Variants in TMEFF1 observed in about 807,000 individuals in gnomAD.
TMEFF1 encodes transmembrane protein with EGF like and two follistatin like domains 1.
A neutral mutation model predicts 47.5 loss-of-function variants in TMEFF1; 20 were observed. The observed-to-expected ratio is 0.42, with a 90% CI of 0.30 to 0.61. The LOEUF (loss-of-function observed/expected upper bound fraction) is 0.61. Ranked by LOEUF, TMEFF1 falls within the 20% of genes least tolerant of loss-of-function variation. The pLI, the probability that TMEFF1 is intolerant of heterozygous loss-of-function variation, is 0.19. For synonymous variants in TMEFF1, 162 were observed against 166.3 expected (o/e 0.97, Z 0.20); for missense variants, 411 against 471.1 (o/e 0.87, Z 1.18).
intron 1 of TMEFF1, among the ~76,000 whole-genome samples, chr9:100,482,568 T>C (rs1353989577): frequency 6.6e-6 from 1 of 152,192 alleles, no homozygotes; most frequent in African/African-American, 2.4e-5. Flanking sequence ...AATCAGTCAG[T>C]GCTGTCTAGT....
chr9:100,479,944 A>G (rs1837308819), intron 1 of TMEFF1, among the ~76,000 whole-genome samples: 1 of 152,224 alleles, frequency 6.6e-6, no homozygotes, highest in African/African-American at 2.4e-5. Flanking sequence ...GAATTACCAA[A>G]CGGTTTTCCA....
intron 5 of TMEFF1, 72 bp from the exon 6 acceptor site, chr9:100,547,672 T>C (rs1410864208): frequency 1.5e-6 from 2 of 1,361,934 alleles, no homozygotes; most frequent in Admixed American, 2.8e-5. Flanking sequence ...AAAGAATTGG[T>C]CTTTTTTGCT....
At chr9:100,545,151 G>A (rs893620582) in intron 5 of TMEFF1, among the ~76,000 whole-genome samples, 3 of 152,178 alleles carry the variant, frequency 2.0e-5, no homozygotes, top group African/African-American at 4.8e-5. Flanking sequence ...TCCACTAGGC[G>A]ACGCCTCAGT....
At chr9:100,540,735 GT>G (rs1745834020) in intron 5 of TMEFF1, among the ~76,000 whole-genome samples, 2 of 152,330 alleles carry the variant, frequency 1.3e-5, no homozygotes, top group Middle Eastern at 6.8e-3. Flanking sequence ...CAGTACTTGG[GT>G]TTTGTCCTTG....
chr9:100,510,008 A>T (rs1162686256), intron 3 of TMEFF1, among the ~76,000 whole-genome samples: 1 of 152,098 alleles, frequency 6.6e-6, no homozygotes, highest in Non-Finnish European at 1.5e-5. Context: ...AACTTGAATT[A>T]TTATATCAAG....
chr9:100,520,783 G>C (rs1838148193), intron 5 of TMEFF1, among the ~76,000 whole-genome samples: 1 of 152,192 alleles, frequency 6.6e-6, no homozygotes, highest in Non-Finnish European at 1.5e-5. Context: ...AGGTGAAGGT[G>C]AGTTCAGAAA....
rs998845496 is a variant in TMEFF1 at position 100,489,220 on chromosome 9, T to C, written c.197-9545T>C. Among the ~76,000 whole-genome samples the C allele has an allele frequency of 3.9e-5, 6 of 152,228 alleles. No individual in the cohort carries two copies. In the East Asian group the frequency reaches 7.7e-4, roughly 20 times the overall value. ...TAACATAATATTTTCTTTTCCTTTT[T>C]CTTTTTTTTGGAGATAAGATCTCTG... On this transcript the variant is annotated intron_variant, in intron 1 of 9. Coordinates refer to ENST00000374879, the MANE Select transcript of TMEFF1 (RefSeq NM_003692.5).
chr9:100,544,102 A>ATG lies in TMEFF1; in HGVS notation c.561-3641_561-3640insGT, dbSNP rs1463845567. ...CCTTCATGCTGATATATATATATAT[A>ATG]TATAACTTTTTTAGGGTCTCCAGAC... On this transcript the variant is annotated intron_variant, in intron 5 of 9. Transcript: ENST00000374879. 1.1e-4 allele frequency among the ~76,000 whole-genome samples: 16 copies of ATG among 151,712 alleles called. No homozygotes were observed. In the East Asian group the frequency reaches 2.7e-3, roughly 26 times the overall value.
chr9:100,528,335 A>G (rs1204373131), intron 5 of TMEFF1, among the ~76,000 whole-genome samples: 1 of 149,452 alleles, frequency 6.7e-6, no homozygotes, highest in East Asian at 2.0e-4. Context: ...ACAAGTTGAA[A>G]ACTTTGAAAA....
chr9:100,550,105 C>A lies in TMEFF1; in HGVS notation c.720C>A (p.Asp240Glu), dbSNP rs372030454. 6.2e-7 allele frequency: 1 copy of A among 1,610,826 alleles called. No homozygotes were observed. The highest frequency in any genetic ancestry group is 8.5e-7 in the Non-Finnish European group (1 of 1,178,800). Residue 240 changes from aspartate (D) to glutamate (E), a missense_variant, in exon 7 of 10, where the codon GAC becomes GAA. Transcript: ENST00000374879. ...CGTCTTCTCTTACAGATACAGATGA[C>A]ACTAGTTTGTTGGGAAAGAAAGATG... ...RHLGHCTDTD[D>E]TSLLGKKDDG...
chr9:100,509,778 A>G (rs1837929482), intron 3 of TMEFF1, among the ~76,000 whole-genome samples: 1 of 151,160 alleles, frequency 6.6e-6, no homozygotes, highest in African/African-American at 2.4e-5. Flanking sequence ...CATCTCAGAA[A>G]AAAAAAAAAA....
rs562371773 is a variant in TMEFF1, at chr9:100,525,012, GA to G, written c.560+8244del. 9.2e-5 allele frequency among the ~76,000 whole-genome samples: 14 copies of G among 152,274 alleles called. No individual in the cohort carries two copies. The South Asian group carries it at 2.9e-3, about 32-fold the overall frequency. On this transcript the variant is annotated intron_variant, in intron 5 of 9. Coordinates refer to ENST00000374879, the MANE Select transcript of TMEFF1 (RefSeq NM_003692.5). ...TACCTGGGCAGTCTATCTTCTGACTGAAAGTTGGGTACGGTAGCACTAGGCA... is the reference window on the plus strand; with the variant it reads ...TACCTGGGCAGTCTATCTTCTGACTGAAGTTGGGTACGGTAGCACTAGGCA...
rs551175953 is a variant in TMEFF1 at position 100,568,393 on chromosome 9, G to A, written c.900-4125G>A. 1.6e-4 allele frequency among the ~76,000 whole-genome samples: 24 copies of A among 152,246 alleles called. No individual in the cohort carries two copies. In the South Asian group the frequency reaches 4.8e-3, roughly 30 times the overall value. On this transcript the variant is annotated intron_variant, in intron 8 of 9. Transcript: ENST00000374879. ...TCCCATGAGACTTCATTATATCATTGAATTTACTGCAGCTGTGTTGTTGAG... is the reference window on the plus strand; with the variant it reads ...TCCCATGAGACTTCATTATATCATTAAATTTACTGCAGCTGTGTTGTTGAG...
intron 7 of TMEFF1, among the ~76,000 whole-genome samples, chr9:100,551,326 TG>T (rs1192887953): frequency 1.3e-5 from 2 of 152,266 alleles, no homozygotes; most frequent in Non-Finnish European, 2.9e-5. Flanking sequence ...TTGAGTAATT[TG>T]TTACTTCTCT....
rs1564031645 is a variant in TMEFF1, at chr9:100,576,498, CT to C, written c.1059-11del. 3.7e-6 allele frequency: 6 copies of C among 1,602,044 alleles called. No individual in the cohort carries two copies. The highest frequency in any genetic ancestry group is 5.1e-6 in the Non-Finnish European group (6 of 1,176,654). ...ATCAAAACAATATTTTTCTCTCTTT[CT>C]TTTTTTAATGCAACAGAAAATGCCC... On this transcript the variant is annotated splice_polypyrimidine_tract_variant and intron_variant, in intron 9 of 9. Coordinates refer to ENST00000374879, the MANE Select transcript of TMEFF1 (RefSeq NM_003692.5).
chr9:100,553,016 C>G (rs1838854470), intron 7 of TMEFF1, among the ~76,000 whole-genome samples: 1 of 151,920 alleles, frequency 6.6e-6, no homozygotes, highest in Non-Finnish European at 1.5e-5. Context: ...AGAGAAGGCC[C>G]AACTTGGGAT....
chr9:100,572,809 CTA>C, intron 9 of TMEFF1, 133 bp downstream of exon 9: 1 of 1,135,970 alleles, frequency 8.8e-7, no homozygotes, highest in South Asian at 1.9e-5. Context: ...TGGTCTCTCC[CTA>C]TCCTTCTTCT....
intron 1 of TMEFF1, among the ~76,000 whole-genome samples, chr9:100,479,775 G>A (rs1370721330): frequency 1.3e-5 from 2 of 152,152 alleles, no homozygotes; most frequent in African/African-American, 4.8e-5. Context: ...CTCTACTGAT[G>A]GATATTTGAG....
chr9:100,488,507 A>G (rs1837491402), intron 1 of TMEFF1, among the ~76,000 whole-genome samples: 1 of 152,208 alleles, frequency 6.6e-6, no homozygotes, highest in Admixed American at 6.5e-5. Context: ...TTGTGCCACT[A>G]TGTACTTCCA....
Sources: allele counts gnomAD v4.1 joint callset (sites outside exome capture counted in the v4.1 genomes callset), GRCh38; gene constraint gnomAD v4.1.1; transcripts MANE v1.5; gene names NCBI Gene and HGNC (gene_info 2026-07-23, HGNC 2026-07-21).